The following CPVL variants were observed in gnomAD, a reference collection of about 807,000 sequenced individuals.
The protein encoded by CPVL is carboxypeptidase vitellogenic like.
A neutral mutation model predicts 63.7 loss-of-function variants in CPVL; 51 were observed. The ratio of observed to expected loss-of-function variants is 0.80; its 90% CI spans 0.64 to 1.01. The LOEUF is 1.01. Among genes scored for constraint, CPVL ranks in the 50% least tolerant of loss-of-function variants. The probability of loss-of-function intolerance (pLI) is 0.00; values close to 1 mark genes in which losing one functional copy is unlikely to be tolerated. For synonymous variants in CPVL, 195 were observed against 206.0 expected, an observed-to-expected ratio of 0.95 and a Z score of 0.46; for missense variants, 530 against 573.1, an observed-to-expected ratio of 0.92 and a Z score of 0.77.
chr7:29,171,257 C>T (rs1234650765), intron 5 of CPVL, among the ~76,000 whole-genome samples: 1 of 152,116 alleles, frequency 6.6e-6, no homozygotes, highest in Non-Finnish European at 1.5e-5. Context: ...TTCTTTCTGC[C>T]ACATTCCCAG....
intron 2 of CPVL, chr7:29,113,641 C>T (rs911289688): frequency 6.6e-6 from 1 of 152,182 alleles, no homozygotes; most frequent in African/African-American, 2.4e-5. Flanking sequence ...TCCCACTTTA[C>T]AGATAAGAAA....
At chr7:29,058,355 T>G (rs1455210592) in intron 11 of CPVL, among the ~76,000 whole-genome samples, 4 of 152,118 alleles carry the variant, frequency 2.6e-5, no homozygotes, top group African/African-American at 9.7e-5. Context: ...TGATTAACTT[T>G]TCTATATTAA....
chr7:29,122,435 G>A (rs534963462), intron 1 of CPVL: 2 of 152,374 alleles, frequency 1.3e-5, no homozygotes, highest in East Asian at 1.9e-4. Context: ...GGTGCAGGAT[G>A]AGAAACCTGG....
intron 12 of CPVL, chr7:29,011,227 C>T (rs1244979594): frequency 6.6e-6 from 1 of 152,202 alleles, no homozygotes; most frequent in Non-Finnish European, 1.5e-5. Context: ...GTGCTACAGT[C>T]TCCTATGACT....
chr7:29,191,764 A>C (rs1248519126), intron 1 of CPVL: 4 of 152,250 alleles, frequency 2.6e-5, no homozygotes, highest in African/African-American at 9.6e-5. Context: ...TATTACCTAG[A>C]ATTAAGGCAA....
rs245872 is a variant in CPVL, at chr7:29,145,127, G to C, written c.-11+1302C>G. Among the ~76,000 whole-genome samples, 12 of 151,416 alleles carry C rather than the reference G, an allele frequency of 7.9e-5. No homozygotes were observed. In the East Asian group the frequency reaches 2.3e-3, roughly 29 times the overall value. ...CAGACTTTCATATGCCAACAAAGCC[G>C]GTGCAGTGTACTTTTCCAAAAGTGC... On this transcript the variant is annotated intron_variant, in intron 1 of 12. Coordinates refer to ENST00000265394, the MANE Select transcript of CPVL (RefSeq NM_031311.5).
chr7:29,110,934 G>A (rs1339121905), intron 3 of CPVL, among the ~76,000 whole-genome samples: 4 of 152,202 alleles, frequency 2.6e-5, no homozygotes, highest in Non-Finnish European at 5.9e-5. Context: ...TTTGAAGCTG[G>A]AGGAAGGGAC....
upstream of CPVL, among the ~76,000 whole-genome samples, chr7:29,150,695 A>G (rs1793467803): frequency 6.6e-6 from 1 of 152,192 alleles, no homozygotes; most frequent in Non-Finnish European, 1.5e-5. Context: ...CTTGTAGGCA[A>G]TCATGCCCCT....
At chr7:29,046,966 T>C (rs1789686013) in intron 11 of CPVL, among the ~76,000 whole-genome samples, 1 of 152,232 alleles carries the variant, frequency 6.6e-6, no homozygotes, top group Non-Finnish European at 1.5e-5. Flanking sequence ...CATGATATAA[T>C]CAATGGTACT....
chr7:29,022,543 A>G (rs1406689653), intron 12 of CPVL, among the ~76,000 whole-genome samples: 3 of 152,170 alleles, frequency 2.0e-5, no homozygotes, highest in Non-Finnish European at 4.4e-5. Context: ...ACCTGTGCCC[A>G]TGAACATTAT....
At chr7:29,183,769 T>C (rs1798360881) in intron 4 of CPVL, among the ~76,000 whole-genome samples, 2 of 152,184 alleles carry the variant, frequency 1.3e-5, no homozygotes, top group Non-Finnish European at 2.9e-5. Flanking sequence ...GGATATATGA[T>C]ATATGTAGAT....
chr7:29,002,739 T>C (rs1336624950), intron 12 of CPVL, among the ~76,000 whole-genome samples: 1 of 151,872 alleles, frequency 6.6e-6, no homozygotes, highest in African/African-American at 2.4e-5. Flanking sequence ...CATTGTTCAT[T>C]GAAATTAAGA....
At chr7:29,182,862 T>G (rs961276467) in intron 4 of CPVL, among the ~76,000 whole-genome samples, 6 of 152,260 alleles carry the variant, frequency 3.9e-5, no homozygotes, top group Admixed American at 2.6e-4. Context: ...TTTTTGCCCT[T>G]TTGTGTGGAA....
chr7:29,121,615 C>T (rs1038359616), intron 1 of CPVL, among the ~76,000 whole-genome samples: 2 of 152,128 alleles, frequency 1.3e-5, no homozygotes, highest in African/African-American at 4.8e-5. Context: ...GCCGAAAGAT[C>T]ACAGAAAGGC....
At chr7:29,135,085 CAG>C (rs1791062948) in intron 1 of CPVL, among the ~76,000 whole-genome samples, 2 of 124,854 alleles carry the variant, frequency 1.6e-5, no homozygotes, top group Non-Finnish European at 3.2e-5. Flanking sequence ...GCCTAGATGA[CAG>C]AGAGAGACCT....
At position 29,061,173 on chromosome 7, in the gene CPVL, C is replaced by T. The variant is rs150366915; in HGVS notation, c.1137+2888G>A. Among the ~76,000 whole-genome samples the T allele has an allele frequency of 2.5e-3, 386 of 152,176 alleles. 3 individuals are homozygous for T. Among genetic ancestry groups the T allele is most frequent in the African/African-American group, 8.3e-3 (343 of 41,512 alleles). On this transcript the variant is annotated intron_variant, in intron 11 of 12. Coordinates refer to ENST00000265394, the MANE Select transcript of CPVL (RefSeq NM_031311.5). ...CTGTAATCCCAGCACTTTGGGAGGC[C>T]GAGGCGGGTGGATCACCTGAGGTCA...
chr7:29,033,942 T>C (rs1438324903), intron 11 of CPVL, among the ~76,000 whole-genome samples: 1 of 152,144 alleles, frequency 6.6e-6, no homozygotes, highest in African/African-American at 2.4e-5. Flanking sequence ...AAACTGAGAC[T>C]TCACTTGTTT....
intron 9 of CPVL, among the ~76,000 whole-genome samples, chr7:29,066,556 AG>A (rs1343554087): frequency 6.6e-6 from 1 of 152,154 alleles, no homozygotes; most frequent in Non-Finnish European, 1.5e-5. Flanking sequence ...ATTGGATGAG[AG>A]GAATAGAGCC....
intron 11 of CPVL, among the ~76,000 whole-genome samples, 172 bp from the exon 12 acceptor site, chr7:29,030,931 C>G (rs1787963880): frequency 6.6e-6 from 1 of 152,220 alleles, no homozygotes; most frequent in Non-Finnish European, 1.5e-5. Context: ...CAAGCCTTGT[C>G]TCTACCACTG....
Sources: allele counts gnomAD v4.1 joint callset (sites outside exome capture counted in the v4.1 genomes callset), GRCh38; gene constraint gnomAD v4.1.1; transcripts MANE v1.5; gene names NCBI Gene and HGNC (gene_info 2026-07-23, HGNC 2026-07-21).